Variants in NIPAL2 observed in about 807,000 individuals in gnomAD.
The protein encoded by NIPAL2 is NIPA like domain containing 2.
A neutral mutation model predicts 48.9 loss-of-function variants in NIPAL2; 43 were observed. That is an observed-to-expected ratio of 0.88 (90% CI 0.69 to 1.13). The LOEUF is 1.13. Among genes scored for constraint, NIPAL2 ranks in the 50% most tolerant of loss-of-function variants. The probability of loss-of-function intolerance (pLI) is 0.00; values close to 1 mark genes in which losing one functional copy is unlikely to be tolerated. For missense variants in NIPAL2, 446 were observed against 461.4 expected, an observed-to-expected ratio of 0.97 and a Z score of 0.31; for synonymous variants, 167 against 174.6, an observed-to-expected ratio of 0.96 and a Z score of 0.34.
chr8:98,254,457 A>G (rs149199930), intron 1 of NIPAL2, among the ~76,000 whole-genome samples: 2 of 152,178 alleles, frequency 1.3e-5, no homozygotes, highest in African/African-American at 4.8e-5. Flanking sequence ...TGAAAGAAAG[A>G]TCATCGGACT....
intron 2 of NIPAL2, among the ~76,000 whole-genome samples, chr8:98,253,291 C>T (rs1220031412): frequency 6.6e-6 from 1 of 152,090 alleles, no homozygotes; most frequent in Non-Finnish European, 1.5e-5. Flanking sequence ...GGGAGTCTTG[C>T]AATGCATTCC....
chr8:98,211,663 G>T (rs548175981), intron 6 of NIPAL2, among the ~76,000 whole-genome samples: 4 of 151,524 alleles, frequency 2.6e-5, no homozygotes, highest in East Asian at 3.9e-4. Flanking sequence ...TTTTTAAAGG[G>T]AATTTCCTAA....
chr8:98,217,376 T>C, intron 5 of NIPAL2: 1 of 971,694 alleles, frequency 1.0e-6, no homozygotes, highest in Non-Finnish European at 1.2e-6. Flanking sequence ...ATATAAAATG[T>C]ATTCAGGCTT....
chr8:98,197,330 T>C (rs2130687512), intron 8 of NIPAL2, among the ~76,000 whole-genome samples: 1 of 152,368 alleles, frequency 6.6e-6, no homozygotes, highest in African/African-American at 2.4e-5. Flanking sequence ...AAATACTTTA[T>C]TGCTAAAAAT....
chr8:98,220,620 A>T (rs564785665), intron 5 of NIPAL2, among the ~76,000 whole-genome samples: 18 of 152,144 alleles, frequency 1.2e-4, no homozygotes, highest in Admixed American at 3.9e-4. Context: ...ATGTTGCCAG[A>T]CTGGTCTCAA....
intron 1 of NIPAL2, among the ~76,000 whole-genome samples, chr8:98,269,820 G>T (rs1815016634): frequency 6.6e-6 from 1 of 152,040 alleles, no homozygotes; most frequent in Non-Finnish European, 1.5e-5. Flanking sequence ...TCAATAGGCA[G>T]TTTTTTTAAC....
intron 3 of NIPAL2, among the ~76,000 whole-genome samples, chr8:98,237,172 C>T (rs562961254): frequency 2.0e-5 from 3 of 151,968 alleles, no homozygotes; most frequent in South Asian, 2.1e-4. Context: ...GTGATCCTCT[C>T]GAGTAGCTGG....
At chr8:98,217,435 G>C (rs1031739694) in intron 5 of NIPAL2, 1 of 660,694 alleles carries the variant, frequency 1.5e-6, no homozygotes, top group Non-Finnish European at 1.9e-6. Context: ...CAATTCAGGT[G>C]CTCTTATTTA....
At chr8:98,276,148 C>G (rs1432397063) in intron 1 of NIPAL2, among the ~76,000 whole-genome samples, 1 of 152,070 alleles carries the variant, frequency 6.6e-6, no homozygotes, top group Non-Finnish European at 1.5e-5. Context: ...GTTTTTCATG[C>G]TCTATTGGTT....
chr8:98,268,045 C>A (rs902885897), intron 1 of NIPAL2, among the ~76,000 whole-genome samples: 3 of 152,140 alleles, frequency 2.0e-5, no homozygotes, highest in African/African-American at 7.2e-5. Flanking sequence ...AGAGGTAGAG[C>A]AACCATAAAC....
intron 10 of NIPAL2, among the ~76,000 whole-genome samples, chr8:98,194,466 A>C (rs1810452263): frequency 6.6e-6 from 1 of 152,146 alleles, no homozygotes; most frequent in South Asian, 2.1e-4. Flanking sequence ...CAATTTAAGG[A>C]AACCCAAAAA....
chr8:98,213,476 A>G (rs1811423544), intron 5 of NIPAL2, among the ~76,000 whole-genome samples: 2 of 152,152 alleles, frequency 1.3e-5, no homozygotes, highest in Non-Finnish European at 2.9e-5. Context: ...GTGGTTTCCT[A>G]TCACATTTAG....
chr8:98,259,355 G>T (rs11785204), intron 1 of NIPAL2, among the ~76,000 whole-genome samples: 2 of 151,820 alleles, frequency 1.3e-5, no homozygotes, highest in African/African-American at 4.8e-5. Context: ...GATTACAGGC[G>T]TGAGCCACCG....
In NIPAL2 at chr8:98,205,150, A is replaced by G. The variant is rs1810967614; in HGVS notation, c.752T>C (p.Met251Thr). The G allele has an allele frequency of 1.2e-6, 2 of 1,613,934 alleles. No homozygotes were observed. The highest frequency in any genetic ancestry group is 1.7e-6 in the Non-Finnish European group (2 of 1,179,858). Residue 251 changes from methionine to threonine, a missense_variant, in exon 7 of 11, where the codon ATG (methionine) becomes ACG (threonine). Met to Thr is a moderately conservative substitution (Grantham distance 81). Coordinates refer to ENST00000430223, the MANE Select transcript of NIPAL2 (RefSeq NM_001321635.2). Reference sequence around the variant, plus strand: ...ACAAGATGCTATCATGATGATAAACATGATATAGAAAATGGGGTAAGTTAG... The same window carrying G: ...ACAAGATGCTATCATGATGATAAACGTGATATAGAAAATGGGGTAAGTTAG... ...MQLTYPIFYI[M>T]FIIMIASCVF...
intron 1 of NIPAL2, among the ~76,000 whole-genome samples, chr8:98,278,525 A>G (rs1233155548): frequency 6.6e-6 from 1 of 152,064 alleles, no homozygotes; most frequent in African/African-American, 2.4e-5. Context: ...ATTTCCTTAG[A>G]TCCATCTTCC....
intron 6 of NIPAL2, among the ~76,000 whole-genome samples, chr8:98,208,051 ACTGTGAAGG>A: frequency 6.6e-6 from 1 of 152,284 alleles, no homozygotes; most frequent in Admixed American, 6.5e-5. Context: ...GACTACAGCC[ACTGTGAAGG>A]CTTGTGAAAT....
chr8:98,245,126 G>A (rs1813242361), intron 3 of NIPAL2, among the ~76,000 whole-genome samples: 1 of 152,122 alleles, frequency 6.6e-6, no homozygotes, highest in Non-Finnish European at 1.5e-5. Context: ...CTGGCTTGTG[G>A]TTTCTGACCA....
At chr8:98,268,971 A>C (rs1193731519) in intron 1 of NIPAL2, among the ~76,000 whole-genome samples, 1 of 152,226 alleles carries the variant, frequency 6.6e-6, no homozygotes, top group Non-Finnish European at 1.5e-5. Context: ...TCTTCACAAG[A>C]AGAAGATTCC....
chr8:98,274,271 C>T (rs138747902), intron 1 of NIPAL2, among the ~76,000 whole-genome samples: 1 of 151,374 alleles, frequency 6.6e-6, no homozygotes, highest in Admixed American at 6.6e-5. Flanking sequence ...CTATCTATCT[C>T]TCTATCTATC....
Sources: gnomAD v4.1 joint callset for allele counts (sites outside exome capture counted in the v4.1 genomes callset) on GRCh38, gnomAD v4.1.1 for gene constraint, MANE v1.5 for transcripts, NCBI Gene and HGNC (gene_info 2026-07-23, HGNC 2026-07-21) for gene names.